The following SDK1 variants were observed in gnomAD, a reference collection of about 807,000 sequenced individuals.
SDK1 encodes the protein protein sidekick-1.
Under a neutral mutation model 245.5 loss-of-function variants are expected in SDK1, and 157 were observed. That is an observed-to-expected ratio of 0.64 (90% CI 0.56 to 0.73). SDK1 has a LOEUF of 0.73. Among genes scored for constraint, SDK1 ranks in the 30% least tolerant of loss-of-function variants. SDK1 has a pLI of 0.00. For missense variants in SDK1, 3,583 were observed against 3,002.3 expected, an observed-to-expected ratio of 1.19 and a Z score of -4.52; for synonymous variants, 1,647 against 1,278.5, an observed-to-expected ratio of 1.29 and a Z score of -6.15.
chr7:4,233,771 C>A (rs1032109985), intron 41 of SDK1, among the ~76,000 whole-genome samples: 1 of 152,156 alleles, frequency 6.6e-6, no homozygotes, highest in Non-Finnish European at 1.5e-5. Flanking sequence ...CCAGTGCCAC[C>A]CATCCTCCTG....
chr7:3,493,341 C>G (rs568234514), intron 1 of SDK1, among the ~76,000 whole-genome samples: 1 of 152,216 alleles, frequency 6.6e-6, no homozygotes, highest in African/African-American at 2.4e-5. Flanking sequence ...CACAGCTAAA[C>G]TCTACCTCAG....
intron 1 of SDK1, among the ~76,000 whole-genome samples, chr7:3,419,865 G>C (rs1779489198): frequency 6.6e-6 from 1 of 152,126 alleles, no homozygotes; most frequent in Non-Finnish European, 1.5e-5. Flanking sequence ...CTGTCTAGAA[G>C]TTTCACAATC....
At chr7:3,504,669 T>C (rs1782332379) in intron 1 of SDK1, among the ~76,000 whole-genome samples, 2 of 152,226 alleles carry the variant, frequency 1.3e-5, no homozygotes, top group South Asian at 4.2e-4. Context: ...TCAAAGTGCA[T>C]TATAGCTAAA....
chr7:3,628,840 C>G (rs1178738507), intron 2 of SDK1, among the ~76,000 whole-genome samples: 2 of 152,022 alleles, frequency 1.3e-5, no homozygotes, highest in African/African-American at 4.8e-5. Flanking sequence ...CAAGGTGAGC[C>G]CTATGTTTGC....
intron 19 of SDK1, among the ~76,000 whole-genome samples, chr7:4,064,990 G>T (rs985178996): frequency 9.2e-5 from 14 of 152,106 alleles, no homozygotes; most frequent in African/African-American, 3.4e-4. Context: ...AAGTTCCAAT[G>T]CTCCGTGGCA....
intron 4 of SDK1, among the ~76,000 whole-genome samples, chr7:3,771,238 C>G (rs998911890): frequency 6.6e-6 from 1 of 151,914 alleles, no homozygotes; most frequent in Non-Finnish European, 1.5e-5. Context: ...TTGCAGGGAT[C>G]CAGGATAGTG....
intron 19 of SDK1, among the ~76,000 whole-genome samples, chr7:4,065,165 T>C (rs1317923532): frequency 3.9e-5 from 6 of 152,130 alleles, no homozygotes; most frequent in Non-Finnish European, 1.5e-5. Flanking sequence ...AAACGTCACC[T>C]GTACCATAGA....
intron 4 of SDK1, among the ~76,000 whole-genome samples, chr7:3,731,165 G>A (rs969516597): frequency 7.9e-5 from 12 of 152,112 alleles, no homozygotes; most frequent in African/African-American, 2.7e-4. Flanking sequence ...GCAGGGTGAC[G>A]GGCGGAGAGC....
chr7:4,202,464 G>A (rs1412872013), intron 35 of SDK1, among the ~76,000 whole-genome samples: 1 of 152,210 alleles, frequency 6.6e-6, no homozygotes, highest in Admixed American at 6.5e-5. Flanking sequence ...AGAAGAGAAG[G>A]TTCCAGGCCA....
intron 4 of SDK1, among the ~76,000 whole-genome samples, chr7:3,675,841 T>C (rs1783875416): frequency 6.6e-6 from 1 of 152,184 alleles, no homozygotes; most frequent in African/African-American, 2.4e-5. Flanking sequence ...TTTTGAGAAG[T>C]ATCTGTTCAT....
chr7:3,373,684 T>C (rs1255813762), intron 1 of SDK1, among the ~76,000 whole-genome samples: 1 of 151,812 alleles, frequency 6.6e-6, no homozygotes, highest in African/African-American at 2.4e-5. Context: ...AAAAAGTAAA[T>C]ACTAAATGAC....
At position 3,853,407 on chromosome 7, in the gene SDK1, G is replaced by C. The variant is rs183338270; in HGVS notation, c.847+31824G>C. ...ATCTGGCCTGTGTTTTAAAATTATT[G>C]TGTGTGTGTGTGTATGTGTTTAATC... On this transcript the variant is annotated intron_variant, in intron 5 of 44. Transcript: ENST00000404826. 7.0e-3 allele frequency among the ~76,000 whole-genome samples: 1,045 copies of C among 148,938 alleles called. 10 individuals carry two copies. The highest frequency in any genetic ancestry group is 0.025 in the African/African-American group (976 of 38,786).
intron 22 of SDK1, among the ~76,000 whole-genome samples, chr7:4,083,671 C>CCCTCCTTTACTT (rs1781223522): frequency 3.9e-4 from 2 of 5,112 alleles, no homozygotes; most frequent in Non-Finnish European, 5.0e-4. Flanking sequence ...CTTCTTTCCT[C>CCCTCCTTTACTT]CCTCTCTCCC....
At chr7:3,575,474 A>G (rs974839626) in intron 1 of SDK1, among the ~76,000 whole-genome samples, 1 of 151,884 alleles carries the variant, frequency 6.6e-6, no homozygotes, top group Non-Finnish European at 1.5e-5. Context: ...AGAACATCTA[A>G]TTTGATGTTT....
chr7:4,094,316 C>T (rs1782000910), intron 22 of SDK1, among the ~76,000 whole-genome samples: 1 of 152,194 alleles, frequency 6.6e-6, no homozygotes, highest in Non-Finnish European at 1.5e-5. Flanking sequence ...CCCACCTCGG[C>T]CTCCCAAAGT....
intron 41 of SDK1, among the ~76,000 whole-genome samples, chr7:4,233,868 C>G (rs901599067): frequency 1.1e-4 from 17 of 152,282 alleles, no homozygotes; most frequent in African/African-American, 3.8e-4. Flanking sequence ...GGCTTTGTGT[C>G]CACGCTGTGC....
chr7:4,195,537 A>G (rs1335893841), intron 35 of SDK1, among the ~76,000 whole-genome samples: 1 of 152,112 alleles, frequency 6.6e-6, no homozygotes, highest in Non-Finnish European at 1.5e-5. Context: ...CAGGCCTGCA[A>G]TTCCCACTGT....
chr7:3,905,196 A>C (rs1399768645), intron 5 of SDK1, among the ~76,000 whole-genome samples: 1 of 151,936 alleles, frequency 6.6e-6, no homozygotes, highest in African/African-American at 2.4e-5. Flanking sequence ...TTATTTTTTA[A>C]ATAGCTACTA....
chr7:3,436,748 G>T (rs371585775), intron 1 of SDK1, among the ~76,000 whole-genome samples: 8 of 152,166 alleles, frequency 5.3e-5, no homozygotes, highest in African/African-American at 9.6e-5. Context: ...GTTTAAATTA[G>T]AACAGATTCT....
Sources: allele counts gnomAD v4.1 joint callset (sites outside exome capture counted in the v4.1 genomes callset), GRCh38; gene constraint gnomAD v4.1.1; transcripts MANE v1.5; gene names NCBI Gene and HGNC (gene_info 2026-07-23, HGNC 2026-07-21).